The following NMNAT2 variants were observed in gnomAD, a reference collection of about 807,000 sequenced individuals.
The protein encoded by NMNAT2 is nicotinamide nucleotide adenylyltransferase 2.
NMNAT2 carries 11 observed loss-of-function variants against 41.6 expected under a neutral mutation model. The ratio of observed to expected loss-of-function variants is 0.26; its 90% CI spans 0.17 to 0.44. NMNAT2 has a LOEUF of 0.44. Among genes scored for constraint, NMNAT2 ranks in the 20% least tolerant of loss-of-function variants. The probability of loss-of-function intolerance (pLI) is 1.00; values close to 1 mark genes in which losing one functional copy is unlikely to be tolerated. For missense variants in NMNAT2, 288 were observed against 407.7 expected (o/e 0.71, Z 2.53); for synonymous variants, 148 against 151.2 (o/e 0.98, Z 0.16).
chr1:183,331,644 G>T (rs1265868549), intron 1 of NMNAT2, among the ~76,000 whole-genome samples: 1 of 152,234 alleles, frequency 6.6e-6, no homozygotes, highest in African/African-American at 2.4e-5. Context: ...AGCCTCAGGC[G>T]TGAGCCTTCC....
intron 1 of NMNAT2, among the ~76,000 whole-genome samples, chr1:183,398,643 T>C (rs909901235): frequency 4.6e-5 from 7 of 152,156 alleles, no homozygotes; most frequent in Non-Finnish European, 7.3e-5. Context: ...TATTCCAAAA[T>C]TGACCACATA....
chr1:183,272,584 G>T (rs4652789), intron 8 of NMNAT2, among the ~76,000 whole-genome samples: 476 of 152,312 alleles, frequency 3.1e-3, no homozygotes, highest in Non-Finnish European at 4.0e-3. Flanking sequence ...GTGGGGATGG[G>T]GTCATCCCAT....
At chr1:183,368,304 G>T (rs534112821) in intron 1 of NMNAT2, among the ~76,000 whole-genome samples, 2 of 152,184 alleles carry the variant, frequency 1.3e-5, no homozygotes, top group East Asian at 1.9e-4. Context: ...GGGTCCTCTG[G>T]GTTCAGAATT....
chr1:183,348,913 CATTGCTTAGGAGAG>C (rs1662988681), intron 1 of NMNAT2, among the ~76,000 whole-genome samples: 1 of 152,202 alleles, frequency 6.6e-6, no homozygotes, highest in South Asian at 2.1e-4. Flanking sequence ...TGTCTCCTCA[CATTGCTTAGGAGAG>C]ATATGGCACC....
chr1:183,335,582 C>T (rs1009139282), intron 1 of NMNAT2, among the ~76,000 whole-genome samples: 2 of 152,304 alleles, frequency 1.3e-5, no homozygotes, highest in East Asian at 3.9e-4. Context: ...TTGGGATAGA[C>T]ATGGGAGAAA....
intron 1 of NMNAT2, among the ~76,000 whole-genome samples, chr1:183,311,238 A>G (rs1662112047): frequency 6.6e-6 from 1 of 152,166 alleles, no homozygotes; most frequent in Non-Finnish European, 1.5e-5. Context: ...CCCAGTCATT[A>G]AGAGCACAGG....
intron 1 of NMNAT2, among the ~76,000 whole-genome samples, chr1:183,348,268 C>T (rs1343834614): frequency 6.6e-6 from 1 of 152,034 alleles, no homozygotes; most frequent in Admixed American, 6.5e-5. Flanking sequence ...TGCTCTTAAG[C>T]TGTGCGTGCG....
chr1:183,341,261 G>A (rs1662794341), intron 1 of NMNAT2, among the ~76,000 whole-genome samples: 1 of 152,084 alleles, frequency 6.6e-6, no homozygotes, highest in South Asian at 2.1e-4. Flanking sequence ...TCTTTATTAT[G>A]CACCTACCCA....
chr1:183,379,572 G>T (rs1663757971), intron 1 of NMNAT2, among the ~76,000 whole-genome samples: 1 of 151,960 alleles, frequency 6.6e-6, no homozygotes. Flanking sequence ...AAAGAAAGCT[G>T]GAATAGTTAT....
chr1:183,295,202 G>A (rs1012277485), intron 1 of NMNAT2, among the ~76,000 whole-genome samples: 1 of 151,960 alleles, frequency 6.6e-6, no homozygotes, highest in South Asian at 2.1e-4. Context: ...CGGGTTCCAC[G>A]TGTCGGCCAG....
rs531493231 is a variant in NMNAT2, at chr1:183,338,173, A to C, written c.86-44380T>G. On this transcript the variant is annotated intron_variant, in intron 1 of 10. Coordinates refer to ENST00000287713, the MANE Select transcript of NMNAT2 (RefSeq NM_015039.4). ...TTAAAAAAAAAAAAAAAAAAAGCAA[A>C]TGCTACAGGATACAGATAGAAAAGT... is the stretch of plus-strand genomic sequence containing the variant. Among the ~76,000 whole-genome samples, 16 of 150,394 alleles carry C rather than the reference A, an allele frequency of 1.1e-4. No individual in the cohort carries two copies. In the East Asian group the frequency reaches 2.3e-3, roughly 22 times the overall value.
At chr1:183,280,405 G>A (rs1364764464) in intron 7 of NMNAT2, among the ~76,000 whole-genome samples, 1 of 148,576 alleles carries the variant, frequency 6.7e-6, no homozygotes, top group African/African-American at 2.5e-5. Context: ...TTCTTTTTTT[G>A]GAGATAGAAT....
chr1:183,413,761 C>T (rs1356744529), intron 1 of NMNAT2, among the ~76,000 whole-genome samples: 1 of 151,348 alleles, frequency 6.6e-6, no homozygotes, highest in East Asian at 1.9e-4. Context: ...CGCCCGCAAC[C>T]ACGCCCAGCT....
intron 1 of NMNAT2, among the ~76,000 whole-genome samples, chr1:183,383,182 A>G (rs1663840466): frequency 6.6e-6 from 1 of 152,232 alleles, no homozygotes; most frequent in Non-Finnish European, 1.5e-5. Context: ...CCTGAGACAT[A>G]TCTGGGGCCA....
chr1:183,363,384 G>T (rs1400723966), intron 1 of NMNAT2, among the ~76,000 whole-genome samples: 1 of 152,156 alleles, frequency 6.6e-6, no homozygotes, highest in Admixed American at 6.5e-5. Flanking sequence ...ACAGTTTGGG[G>T]CACCCAATAG....
chr1:183,296,600 C>T (rs1044490896), intron 1 of NMNAT2, among the ~76,000 whole-genome samples: 3 of 152,060 alleles, frequency 2.0e-5, no homozygotes, highest in Non-Finnish European at 4.4e-5. Context: ...GCAACCTCCG[C>T]CTCCTGGGTT....
intron 1 of NMNAT2, among the ~76,000 whole-genome samples, chr1:183,404,515 A>T (rs1648901000): frequency 6.6e-6 from 1 of 152,140 alleles, no homozygotes; most frequent in Non-Finnish European, 1.5e-5. Context: ...TTGTTGAGGG[A>T]CTCCAAGTGG....
chr1:183,346,860 C>T (rs999873252), intron 1 of NMNAT2, among the ~76,000 whole-genome samples: 1 of 152,096 alleles, frequency 6.6e-6, no homozygotes, highest in African/African-American at 2.4e-5. Context: ...ACAGCCTGAA[C>T]AGCCCTACAC....
At chr1:183,355,036 G>C (rs892522549) in intron 1 of NMNAT2, among the ~76,000 whole-genome samples, 2 of 152,108 alleles carry the variant, frequency 1.3e-5, no homozygotes, top group African/African-American at 4.8e-5. Context: ...TACTCCACAG[G>C]CCCTGAATGG....
Sources: allele counts gnomAD v4.1 joint callset (sites outside exome capture counted in the v4.1 genomes callset), GRCh38; gene constraint gnomAD v4.1.1; transcripts MANE v1.5; gene names NCBI Gene and HGNC (gene_info 2026-07-23, HGNC 2026-07-21).